EEF2K: variants seen among roughly 807,000 people sequenced by gnomAD.
EEF2K encodes the protein eukaryotic elongation factor 2 kinase.
EEF2K carries 70 observed loss-of-function variants against 93.8 expected under a neutral mutation model. That is an observed-to-expected ratio of 0.75 (90% CI 0.62 to 0.91). EEF2K has a LOEUF of 0.91. EEF2K is among the 40% of genes least tolerant of loss of function. The pLI, the probability that EEF2K is intolerant of heterozygous loss-of-function variation, is 0.00. For missense variants in EEF2K, 935 were observed against 972.9 expected, an observed-to-expected ratio of 0.96 and a Z score of 0.52; for synonymous variants, 376 against 380.8, an observed-to-expected ratio of 0.99 and a Z score of 0.15.
rs780629184 is a variant in EEF2K at position 22,284,342 on chromosome 16, A to G, written c.*346A>G. The G allele has an allele frequency of 2.1e-4, 51 of 247,862 alleles. No homozygotes were observed. The highest frequency in any genetic ancestry group is 7.6e-4 in the Admixed American group (16 of 20,962). 15.4% of individuals were successfully genotyped at this position (247,862 alleles called of 1,614,324 possible). The stretch of plus-strand genomic sequence containing the variant: ...GTCACCCAGGCTGGAGTGCAGTGAC[A>G]TGATCTTAGCTCACTGCAACCTCCG... On this transcript the variant is annotated 3_prime_UTR_variant, in exon 18 of 18. Transcript: ENST00000263026.
intron 2 of EEF2K, among the ~76,000 whole-genome samples, chr16:22,234,792 T>G (rs964811051): frequency 1.3e-4 from 19 of 151,866 alleles, no homozygotes; most frequent in African/African-American, 4.6e-4. Flanking sequence ...GACTTGCCTT[T>G]TCTGGACGTT....
chr16:22,210,926 C>T (rs1251995782), intron 1 of EEF2K, among the ~76,000 whole-genome samples: 1 of 152,148 alleles, frequency 6.6e-6, no homozygotes, highest in East Asian at 1.9e-4. Flanking sequence ...CCAATCTGTT[C>T]TGGGCAGGAT....
chr16:22,208,230 G>A (rs1371864022), intron 1 of EEF2K, among the ~76,000 whole-genome samples: 3 of 152,140 alleles, frequency 2.0e-5, no homozygotes, highest in African/African-American at 7.2e-5. Flanking sequence ...AAGAGCTACC[G>A]GTGTTTTGGG....
In EEF2K at chr16:22,283,963, G is replaced by A; in HGVS notation, c.2145G>A (p.Lys715=). The change falls in exon 18 of 18, where the codon AAG becomes AAA. Residue 715 remains lysine (K), a synonymous_variant. Transcript: ENST00000263026. ...GACTGGCCAACCAGTACTACCAAAA[G>A]GCTGAAGAGGCCTGGGCCCAGATGG... ...KGRLANQYYQ[K]AEEAWAQMEE 1 of 1,589,988 alleles carries A rather than the reference G, an allele frequency of 6.3e-7. No homozygotes were observed. The highest frequency in any genetic ancestry group is 8.6e-7 in the Non-Finnish European group (1 of 1,168,132).
intron 2 of EEF2K, among the ~76,000 whole-genome samples, chr16:22,237,015 G>A (rs1485147874): frequency 1.6e-5 from 2 of 127,836 alleles, no homozygotes; most frequent in Non-Finnish European, 3.1e-5. Flanking sequence ...TGCAATCTCA[G>A]CTCATTGCAA....
chr16:22,209,655 T>C (rs985234630), intron 1 of EEF2K, among the ~76,000 whole-genome samples: 1 of 152,242 alleles, frequency 6.6e-6, no homozygotes, highest in Admixed American at 6.5e-5. Flanking sequence ...GTTATTACCC[T>C]GATGAACTGA....
intron 12 of EEF2K, 115 bp from the exon 13 acceptor site, chr16:22,264,703 G>A (rs1598198774): frequency 1.8e-6 from 2 of 1,127,068 alleles, no homozygotes; most frequent in Admixed American, 4.2e-5. Context: ...CTGAGATAAG[G>A]GTCACCTAGG....
At chr16:22,216,690 T>C (rs2046960592) in intron 1 of EEF2K, among the ~76,000 whole-genome samples, 1 of 152,048 alleles carries the variant, frequency 6.6e-6, no homozygotes, top group Non-Finnish European at 1.5e-5. Flanking sequence ...GACCAGGGGC[T>C]TGAGACTAGC....
At chr16:22,222,702 TAAAAAAAAAAAAA>T in intron 1 of EEF2K, among the ~76,000 whole-genome samples, 1 of 96,536 alleles carries the variant, frequency 1.0e-5, no homozygotes, top group African/African-American at 3.6e-5. Flanking sequence ...ACCCCGTCCC[TAAAAAAAAAAAAA>T]AAAAAAAAAA....
At chr16:22,261,239 G>A (rs998344761) in intron 11 of EEF2K, among the ~76,000 whole-genome samples, 1 of 152,014 alleles carries the variant, frequency 6.6e-6, no homozygotes, top group Non-Finnish European at 1.5e-5. Context: ...GCCAGGCATG[G>A]TGGCACATAC....
At chr16:22,234,541 GAA>G (rs769468338) in intron 2 of EEF2K, among the ~76,000 whole-genome samples, 8 of 135,002 alleles carry the variant, frequency 5.9e-5, no homozygotes, top group African/African-American at 1.9e-4. Flanking sequence ...TGGGCAACAG[GAA>G]AAAAAAAAAA....
At chr16:22,262,826 G>A (rs537251507) in intron 11 of EEF2K, among the ~76,000 whole-genome samples, 1 of 152,288 alleles carries the variant, frequency 6.6e-6, no homozygotes, top group East Asian at 1.9e-4. Flanking sequence ...TTGAGCCCAG[G>A]TCATTTGGCT....
chr16:22,243,020 G>A (rs2047239674), intron 2 of EEF2K, among the ~76,000 whole-genome samples: 1 of 151,792 alleles, frequency 6.6e-6, no homozygotes, highest in African/African-American at 2.4e-5. Context: ...CCGTGATCAT[G>A]CCACTGCACT....
In EEF2K at chr16:22,284,105, T is replaced by A; in HGVS notation, c.*109T>A. The A allele has an allele frequency of 3.1e-6, 3 of 981,850 alleles. No individual in the cohort carries two copies. Among genetic ancestry groups the A allele is most frequent in the Non-Finnish European group, 4.5e-6 (3 of 660,932 alleles). The allele number at this position is 981,850 out of a possible 1,614,324, so 60.8% of individuals were successfully genotyped here. ...TGGGGAGGGGAAGCATTTTTAAGTG[T>A]GTTGTAAAATCAAATTTTATATTTC... is the stretch of plus-strand genomic sequence containing the variant. On this transcript the variant is annotated 3_prime_UTR_variant, in exon 18 of 18. Transcript: ENST00000263026.
At chr16:22,266,650 G>A (rs780643549) in intron 14 of EEF2K, 38 bp from the exon 15 acceptor site, 22 of 1,586,172 alleles carry the variant, frequency 1.4e-5, no homozygotes, top group Admixed American at 1.4e-4. Context: ...GCTTTGGCCC[G>A]CCAGACAGCC....
At position 22,243,072 on chromosome 16, in the gene EEF2K, A is replaced by G. The variant is rs1464757925; in HGVS notation, c.247-1558A>G. Among the ~76,000 whole-genome samples, 8 of 152,010 alleles carry G rather than the reference A, an allele frequency of 5.3e-5. No individual in the cohort carries two copies. The East Asian group carries it at 1.5e-3, about 29-fold the overall frequency. ...GTGAGACCCCGTCTCTTGAAAAAAA[A>G]ATAAAAAATAAAAAAGGCAACATAT... On this transcript the variant is annotated intron_variant, in intron 2 of 17. Coordinates refer to ENST00000263026, the MANE Select transcript of EEF2K (RefSeq NM_013302.5).
In EEF2K at chr16:22,252,618, G is replaced by A. The variant is rs1238632853; in HGVS notation, c.618+1296G>A. On this transcript the variant is annotated intron_variant, in intron 6 of 17. Coordinates refer to ENST00000263026, the MANE Select transcript of EEF2K (RefSeq NM_013302.5). ...CACCCAGACCACAGGGACTGAGACT[G>A]GAAAAGGTGAGATTCCCAAGAAAAA... Among the ~76,000 whole-genome samples the A allele has an allele frequency of 3.9e-5, 6 of 152,268 alleles. No individual in the cohort carries two copies. In the South Asian group the frequency reaches 1.2e-3, roughly 32 times the overall value.
At position 22,222,754 on chromosome 16, in the gene EEF2K, C is replaced by T. The variant is rs557373203; in HGVS notation, c.-76-2900C>T. Among the ~76,000 whole-genome samples the T allele has an allele frequency of 8.8e-5, 13 of 148,292 alleles. No individual in the cohort carries two copies. In the South Asian group the frequency reaches 1.3e-3, roughly 15 times the overall value. ...CAAAAATTAGCTGGGCACAGTGGTG[C>T]GTGTCTGTAGTCCCAGCTATTTGGG... On this transcript the variant is annotated intron_variant, in intron 1 of 17. Coordinates refer to ENST00000263026, the MANE Select transcript of EEF2K (RefSeq NM_013302.5).
intron 2 of EEF2K, among the ~76,000 whole-genome samples, chr16:22,238,992 T>C (rs2047195576): frequency 1.3e-5 from 2 of 152,048 alleles, no homozygotes; most frequent in African/African-American, 2.4e-5. Flanking sequence ...TCATCCTTGT[T>C]TGTAAACAAG....
Sources: gnomAD v4.1 joint callset for allele counts (sites outside exome capture counted in the v4.1 genomes callset) on GRCh38, gnomAD v4.1.1 for gene constraint, MANE v1.5 for transcripts, NCBI Gene and HGNC (gene_info 2026-07-23, HGNC 2026-07-21) for gene names.